DLG2: variants seen among roughly 807,000 people sequenced by gnomAD.
The protein encoded by DLG2 is disks large homolog 2.
DLG2 carries 45 observed loss-of-function variants against 132.5 expected under a neutral mutation model. That is an observed-to-expected ratio of 0.34 (90% CI 0.27 to 0.44). The LOEUF (loss-of-function observed/expected upper bound fraction) is 0.44. Among genes scored for constraint, DLG2 ranks in the 20% least tolerant of loss-of-function variants. The probability of loss-of-function intolerance (pLI) is 1.00; values close to 1 mark genes in which losing one functional copy is unlikely to be tolerated. For synonymous variants in DLG2, 424 were observed against 419.6 expected (o/e 1.01, Z -0.13); for missense variants, 1,045 against 1,196.9 (o/e 0.87, Z 1.87).
chr11:84,540,369 A>G (rs2099365377), intron 6 of DLG2, among the ~76,000 whole-genome samples: 1 of 151,926 alleles, frequency 6.6e-6, no homozygotes. Flanking sequence ...AACCCCATCA[A>G]AAAGTGGGCA....
chr11:83,915,790 T>C (rs2076829472), intron 15 of DLG2, among the ~76,000 whole-genome samples: 1 of 152,166 alleles, frequency 6.6e-6, no homozygotes, highest in African/African-American at 2.4e-5. Context: ...TGGCTTTTAG[T>C]ATATTTACAG....
chr11:84,029,425 G>GA (rs920230352), intron 11 of DLG2, among the ~76,000 whole-genome samples: 25 of 151,076 alleles, frequency 1.7e-4, no homozygotes, highest in Admixed American at 1.1e-3. Context: ...GCAGAAATGA[G>GA]AAAAAAAAAT....
chr11:84,287,270 A>G (rs904840336), intron 7 of DLG2, among the ~76,000 whole-genome samples: 12 of 152,108 alleles, frequency 7.9e-5, no homozygotes, highest in Admixed American at 6.6e-5. Context: ...TTACATTTTC[A>G]TCATCATAAA....
At chr11:84,231,465 G>A (rs2154336240) in intron 8 of DLG2, among the ~76,000 whole-genome samples, 1 of 152,214 alleles carries the variant, frequency 6.6e-6, no homozygotes, top group South Asian at 2.1e-4. Flanking sequence ...AGAATGACTG[G>A]CTTTTGAAGT....
chr11:84,550,016 A>T (rs997873346), intron 6 of DLG2, among the ~76,000 whole-genome samples: 1 of 152,002 alleles, frequency 6.6e-6, no homozygotes, highest in African/African-American at 2.4e-5. Flanking sequence ...TCAAATTCCC[A>T]AAGTGCTGGG....
intron 15 of DLG2, among the ~76,000 whole-genome samples, chr11:83,916,830 C>T (rs2076999574): frequency 1.3e-5 from 2 of 152,092 alleles, no homozygotes; most frequent in South Asian, 4.1e-4. Flanking sequence ...TTGTGTTTAG[C>T]TGAAATTACA....
intron 7 of DLG2, among the ~76,000 whole-genome samples, chr11:84,494,209 A>T (rs931168779): frequency 6.6e-6 from 1 of 152,192 alleles, no homozygotes; most frequent in African/African-American, 2.4e-5. Flanking sequence ...TGTGGTCAAG[A>T]AAAAGCAAAG....
At chr11:84,238,415 T>C (rs1283279609) in intron 8 of DLG2, among the ~76,000 whole-genome samples, 1 of 151,876 alleles carries the variant, frequency 6.6e-6, no homozygotes, top group Non-Finnish European at 1.5e-5. Context: ...CTTGTGAGGC[T>C]GAACTGAGAT....
chr11:84,993,983 A>T (rs1000577226), intron 6 of DLG2, among the ~76,000 whole-genome samples: 1 of 152,218 alleles, frequency 6.6e-6, no homozygotes, highest in African/African-American at 2.4e-5. Context: ...GCACATGTAA[A>T]CCTAGGTAAC....
chr11:85,536,709 C>T (rs939624504), intron 3 of DLG2, among the ~76,000 whole-genome samples: 1 of 152,248 alleles, frequency 6.6e-6, no homozygotes, highest in Non-Finnish European at 1.5e-5. Flanking sequence ...AAGCCCCGCA[C>T]TCAGGGCAGC....
intron 7 of DLG2, among the ~76,000 whole-genome samples, chr11:84,352,240 T>C (rs1282570168): frequency 1.3e-5 from 2 of 152,200 alleles, no homozygotes; most frequent in African/African-American, 2.4e-5. Flanking sequence ...AAAACCTTGA[T>C]TTCCATTATA....
intron 4 of DLG2, among the ~76,000 whole-genome samples, chr11:85,271,649 C>A (rs867192359): frequency 6.6e-6 from 1 of 152,252 alleles, no homozygotes; most frequent in Non-Finnish European, 1.5e-5. Context: ...TCTTGCATAG[C>A]ATGACCTAGA....
chr11:83,659,792 A>C lies in DLG2; in HGVS notation c.1826-26467T>G, dbSNP rs148310627. On this transcript the variant is annotated intron_variant, in intron 18 of 27. Transcript: ENST00000376104. The stretch of plus-strand genomic sequence containing the variant: ...TCCTGAATTCCCATTTGCATACTAA[A>C]CTGTATTGTATTATATTGTATTGAT... Among the ~76,000 whole-genome samples, 156 of 152,256 alleles carry C rather than the reference A, an allele frequency of 1.0e-3. 1 individual carries two copies. The highest frequency in any genetic ancestry group is 8.9e-3 in the South Asian group (43 of 4,822).
At chr11:84,046,333 T>C (rs1352801215) in intron 11 of DLG2, among the ~76,000 whole-genome samples, 1 of 151,564 alleles carries the variant, frequency 6.6e-6, no homozygotes, top group Admixed American at 6.6e-5. Flanking sequence ...ATCAGAATAT[T>C]TGACATCTTA....
At chr11:83,712,184 A>G (rs910409205) in intron 18 of DLG2, among the ~76,000 whole-genome samples, 1 of 152,228 alleles carries the variant, frequency 6.6e-6, no homozygotes, top group Non-Finnish European at 1.5e-5. Flanking sequence ...AATATAAGTC[A>G]TTCTATTATA....
At chr11:83,692,699 T>C (rs2081193823) in intron 18 of DLG2, among the ~76,000 whole-genome samples, 1 of 152,208 alleles carries the variant, frequency 6.6e-6, no homozygotes, top group Non-Finnish European at 1.5e-5. Context: ...ACAAATGCTT[T>C]ATAAATGTTA....
chr11:85,277,614 A>C (rs2077971458), intron 4 of DLG2, among the ~76,000 whole-genome samples: 1 of 152,196 alleles, frequency 6.6e-6, no homozygotes, highest in South Asian at 2.1e-4. Context: ...CAAAGTAACT[A>C]CCAGCTCTGT....
intron 6 of DLG2, among the ~76,000 whole-genome samples, chr11:84,968,235 T>C (rs187038648): frequency 8.8e-4 from 134 of 152,260 alleles, no homozygotes; most frequent in African/African-American, 3.2e-3. Flanking sequence ...ACATCTAACA[T>C]ATATAATAGA....
At chr11:83,766,088 C>T (rs949612830) in intron 18 of DLG2, among the ~76,000 whole-genome samples, 1 of 145,702 alleles carries the variant, frequency 6.9e-6, no homozygotes, top group African/African-American at 2.7e-5. Context: ...GGAGATTCCA[C>T]TGAATGCTTT....
Sources: allele counts gnomAD v4.1 joint callset (sites outside exome capture counted in the v4.1 genomes callset), GRCh38; gene constraint gnomAD v4.1.1; transcripts MANE v1.5; gene names NCBI Gene and HGNC (gene_info 2026-07-23, HGNC 2026-07-21).